The following AGAP1 variants were observed in gnomAD, a reference collection of about 807,000 sequenced individuals.
The protein encoded by AGAP1 is arf-GAP with GTPase, ANK repeat and PH domain-containing protein 1.
In AGAP1, 29 loss-of-function variants were observed where a neutral mutation model predicts 105.3. That is an observed-to-expected ratio of 0.28 (90% confidence interval 0.21 to 0.38). AGAP1 has a LOEUF of 0.38. AGAP1 is among the 10% of genes least tolerant of loss of function. The pLI is 1.00. For missense variants in AGAP1, 998 were observed against 1,165.1 expected (o/e 0.86, Z 2.09); for synonymous variants, 509 against 485.9 (o/e 1.05, Z -0.63).
rs188261998 is a variant in AGAP1, at chr2:235,708,087, C to T, written c.164-1092C>T. Among the ~76,000 whole-genome samples, 469 of 152,260 alleles carry T rather than the reference C, an allele frequency of 3.1e-3. 2 individuals are homozygous for T. Among genetic ancestry groups the T allele is most frequent in the Middle Eastern group, 0.024 (7 of 294 alleles). ...CTTGGCTTCCAGCCCTGCATCCATG[C>T]GGTCCTCATATCACACAGTTCTGTG... On this transcript the variant is annotated intron_variant, in intron 1 of 17. Transcript: ENST00000304032.
At position 235,877,529 on chromosome 2, in the gene AGAP1, G is replaced by A. The variant is rs2049804784; in HGVS notation, c.1051-5816G>A. Among the ~76,000 whole-genome samples, 2 of 151,998 alleles carry A rather than the reference G, an allele frequency of 1.3e-5. No homozygotes were observed. The highest frequency in any genetic ancestry group is 4.8e-5 in the African/African-American group (2 of 41,370). On this transcript the variant is annotated intron_variant, in intron 9 of 17. Transcript: ENST00000304032. This position sits in a 1 kb window ranked among gnomAD's most constrained non-coding sequence, Gnocchi z 4.3. ...TACAGCATGCGGTGCCTTCCCCGGGGGTTAACTTGTTCTCAGAGTGAGTGA... is the reference window on the plus strand; with the variant it reads ...TACAGCATGCGGTGCCTTCCCCGGGAGTTAACTTGTTCTCAGAGTGAGTGA...
At position 235,709,590 on chromosome 2, in the gene AGAP1, CCA is replaced by C. The variant is rs199773468; in HGVS notation, c.222+365_222+366del. ...CCTTTGCAGGATGTCACGGAAGGCT[CCA>C]CACACACACACCCCCATGGATTGAT... On this transcript the variant is annotated intron_variant, in intron 2 of 17. Coordinates refer to ENST00000304032, the MANE Select transcript of AGAP1 (RefSeq NM_001037131.3). 1.7e-4 allele frequency among the ~76,000 whole-genome samples: 26 copies of C among 151,588 alleles called. No individual in the cohort carries two copies. In the East Asian group the frequency reaches 2.7e-3, roughly 16 times the overall value.
At position 235,997,215 on chromosome 2, in the gene AGAP1, G is replaced by C. The variant is rs185404849; in HGVS notation, c.1645+28592G>C. Among the ~76,000 whole-genome samples the C allele has an allele frequency of 5.7e-3, 863 of 152,160 alleles. 3 individuals are homozygous for C. The highest frequency in any genetic ancestry group is 8.4e-3 in the Non-Finnish European group (571 of 67,998). The stretch of plus-strand genomic sequence containing the variant: ...AGTGATTCTCCTGACTCAGCCTCCC[G>C]AGCAACTGGGATTACAGGCGTGCAC... On this transcript the variant is annotated intron_variant, in intron 13 of 17. Coordinates refer to ENST00000304032, the MANE Select transcript of AGAP1 (RefSeq NM_001037131.3).
Position 236,121,871 on chromosome 2 carries a change from C to T in AGAP1, c.2370+1424C>T, listed in dbSNP as rs150229462. ...ATGGTTCCTGGCGAGGCCTCTCTCACGGCTGGTAGACGGCCGCCCTCTCCC... is the reference window on the plus strand; with the variant it reads ...ATGGTTCCTGGCGAGGCCTCTCTCATGGCTGGTAGACGGCCGCCCTCTCCC... On this transcript the variant is annotated intron_variant, in intron 17 of 17. Coordinates refer to ENST00000304032, the MANE Select transcript of AGAP1 (RefSeq NM_001037131.3). The surrounding 1 kb of genome is among the most constrained non-coding windows in gnomAD (Gnocchi z 4.9). Among the ~76,000 whole-genome samples, 1,002 of 152,286 alleles carry T rather than the reference C, an allele frequency of 6.6e-3. 8 individuals are homozygous for T. Among genetic ancestry groups the T allele is most frequent in the African/African-American group, 0.023 (951 of 41,554 alleles).
At chr2:236,072,707 G>A (rs912919538) in intron 16 of AGAP1, among the ~76,000 whole-genome samples, 4 of 152,068 alleles carry the variant, frequency 2.6e-5, no homozygotes, top group African/African-American at 9.7e-5. Context: ...TGATCCTGCC[G>A]CCTTGGCCTC....
At chr2:235,514,186 A>C (rs1942281434) in intron 1 of AGAP1, among the ~76,000 whole-genome samples, 1 of 150,120 alleles carries the variant, frequency 6.7e-6, no homozygotes, top group African/African-American at 2.5e-5. Flanking sequence ...ACACACACAT[A>C]CCTCCTCTCA....
At chr2:235,857,491 G>A (rs771634201) in intron 9 of AGAP1, among the ~76,000 whole-genome samples, 2 of 152,140 alleles carry the variant, frequency 1.3e-5, no homozygotes, top group South Asian at 2.1e-4. Context: ...CGACCCTCCC[G>A]TTGCTCACAG....
rs894233301 is a variant in AGAP1 at position 235,988,376 on chromosome 2, T to A, written c.1645+19753T>A. On this transcript the variant is annotated intron_variant, in intron 13 of 17. Transcript: ENST00000304032. The surrounding 1 kb of genome is among the most constrained non-coding windows in gnomAD (Gnocchi z 4.7). ...CTTTTGATTGGTGCGTGGGTGACAA[T>A]GGATTCCCTGTCCCTGCTGCCATGA... Among the ~76,000 whole-genome samples, 10 of 152,118 alleles carry A rather than the reference T, an allele frequency of 6.6e-5. No individual in the cohort carries two copies. Among genetic ancestry groups the A allele is most frequent in the African/African-American group, 2.2e-4 (9 of 41,428 alleles).
chr2:235,939,441 C>A (rs557306925), intron 12 of AGAP1, among the ~76,000 whole-genome samples: 1 of 152,224 alleles, frequency 6.6e-6, no homozygotes, highest in East Asian at 1.9e-4. Flanking sequence ...CCTGTCCCAG[C>A]GGTTTCTCCC....
At chr2:235,613,069 G>A (rs1574964526) in intron 1 of AGAP1, among the ~76,000 whole-genome samples, 1 of 151,530 alleles carries the variant, frequency 6.6e-6, no homozygotes, top group Non-Finnish European at 1.5e-5. Flanking sequence ...TGTCGCCCAG[G>A]CTGGATAGAG....
At chr2:235,496,160 C>T (rs1221413071) in intron 1 of AGAP1, among the ~76,000 whole-genome samples, 1 of 152,230 alleles carries the variant, frequency 6.6e-6, no homozygotes, top group Non-Finnish European at 1.5e-5. Flanking sequence ...TTTGGCAGCC[C>T]TGTAGACTTG....
intron 1 of AGAP1, among the ~76,000 whole-genome samples, chr2:235,695,673 T>C (rs765306609): frequency 6.6e-6 from 1 of 152,224 alleles, no homozygotes; most frequent in Non-Finnish European, 1.5e-5. Flanking sequence ...CTTCCACATC[T>C]GAGCTGGTCA....
intron 1 of AGAP1, among the ~76,000 whole-genome samples, chr2:235,652,058 C>G (rs1947613343): frequency 1.3e-5 from 2 of 152,168 alleles, no homozygotes; most frequent in Admixed American, 1.3e-4. Context: ...CAGGATATTG[C>G]AAACCCTAGA....
At position 235,600,546 on chromosome 2, in the gene AGAP1, C is replaced by T. The variant is rs1945695086; in HGVS notation, c.163+105697C>T. ...GAGTTTATTAAGGAGTATTAACTCA[C>T]AGGATCACAAGGTCCCACAATAGGC... On this transcript the variant is annotated intron_variant, in intron 1 of 17. Coordinates refer to ENST00000304032, the MANE Select transcript of AGAP1 (RefSeq NM_001037131.3). This position sits in a 1 kb window ranked among gnomAD's most constrained non-coding sequence, Gnocchi z 4.8. Among the ~76,000 whole-genome samples, 1 of 152,140 alleles carries T rather than the reference C, an allele frequency of 6.6e-6. No homozygotes were observed. Among genetic ancestry groups the T allele is most frequent in the Non-Finnish European group, 1.5e-5 (1 of 68,032 alleles).
At chr2:235,669,716 A>G (rs1948269103) in intron 1 of AGAP1, 1 of 147,994 alleles carries the variant, frequency 6.8e-6, no homozygotes, top group South Asian at 2.0e-4. Flanking sequence ...AGGCTGCGGA[A>G]CCGCCGAGCT....
intron 1 of AGAP1, among the ~76,000 whole-genome samples, chr2:235,567,003 T>C (rs1183019483): frequency 2.0e-5 from 3 of 152,206 alleles, no homozygotes; most frequent in Admixed American, 1.3e-4. Flanking sequence ...GCTTCTGTTA[T>C]CACGTGCCCT....
intron 1 of AGAP1, among the ~76,000 whole-genome samples, chr2:235,624,372 T>C (rs943284378): frequency 3.9e-4 from 59 of 152,302 alleles, no homozygotes; most frequent in African/African-American, 1.3e-3. Flanking sequence ...GCTACTTCTG[T>C]GTCCTTAGAC....
intron 17 of AGAP1, among the ~76,000 whole-genome samples, chr2:236,122,607 A>AAT (rs1237138795): frequency 6.6e-6 from 1 of 152,144 alleles, no homozygotes; most frequent in African/African-American, 2.4e-5. Flanking sequence ...TCATCACTCT[A>AAT]ATAATCAATC....
intron 6 of AGAP1, among the ~76,000 whole-genome samples, chr2:235,776,594 G>A (rs543738711): frequency 1.4e-4 from 22 of 152,244 alleles, no homozygotes; most frequent in Non-Finnish European, 2.6e-4. Flanking sequence ...GGCAGTGCAG[G>A]GCGCCAGTAT....
Sources: gnomAD v4.1 joint callset for allele counts (sites outside exome capture counted in the v4.1 genomes callset) on GRCh38, gnomAD v4.1.1 for gene constraint, Gnocchi (gnomAD v3.1) non-coding constraint, MANE v1.5 for transcripts, NCBI Gene and HGNC (gene_info 2026-07-23, HGNC 2026-07-21) for gene names.